LARP4: variants seen among roughly 807,000 people sequenced by gnomAD.
LARP4 encodes La ribonucleoprotein 4.
A neutral mutation model predicts 92.9 loss-of-function variants in LARP4; 29 were observed. The observed-to-expected ratio is 0.31, with a 90% CI of 0.23 to 0.43. The LOEUF (loss-of-function observed/expected upper bound fraction) is 0.43. Ranked by LOEUF, LARP4 falls within the 20% of genes least tolerant of loss-of-function variation. The pLI, the probability that LARP4 is intolerant of heterozygous loss-of-function variation, is 1.00. For missense variants in LARP4, 732 were observed against 860.0 expected (o/e 0.85, Z 1.86); for synonymous variants, 279 against 284.1 (o/e 0.98, Z 0.18).
intron 13 of LARP4, among the ~76,000 whole-genome samples, chr12:50,471,674 C>T (rs1472614321): frequency 6.6e-6 from 1 of 152,110 alleles, no homozygotes; most frequent in African/African-American, 2.4e-5. Flanking sequence ...GCGCGCGCCA[C>T]CATGCCCGGC....
At chr12:50,417,771 T>C (rs1470046568) in intron 1 of LARP4, among the ~76,000 whole-genome samples, 1 of 152,218 alleles carries the variant, frequency 6.6e-6, no homozygotes, top group East Asian at 1.9e-4. Flanking sequence ...CTTGGGTCAC[T>C]GTAGCCTCTT....
intron 15 of LARP4, among the ~76,000 whole-genome samples, 172 bp from the exon 16 acceptor site, chr12:50,475,354 G>A (rs535414194): frequency 3.9e-5 from 6 of 152,088 alleles, no homozygotes; most frequent in Non-Finnish European, 8.8e-5. Context: ...TGAAATTATT[G>A]TATAATAAAT....
rs1197956111 is a variant in LARP4, at chr12:50,475,992, T to C, written c.*128T>C. On this transcript the variant is annotated 3_prime_UTR_variant, in exon 16 of 16. Transcript: ENST00000398473. ...AAGAGAAAGTACGTCCATTTCATTA[T>C]GGATTTTGGAGTTGTGAGTGATAGG... The C allele has an allele frequency of 1.7e-5, 13 of 781,378 alleles. No homozygotes were observed. The highest frequency in any genetic ancestry group is 2.6e-5 in the Non-Finnish European group (13 of 500,032). 48.4% of individuals were successfully genotyped at this position (781,378 alleles called of 1,614,324 possible). A position where few individuals can be genotyped will look rare whatever the true frequency, so the allele number is the denominator to read the frequency against.
At chr12:50,437,937 C>A in intron 6 of LARP4, 99 bp downstream of exon 6, 1 of 687,108 alleles carries the variant, frequency 1.5e-6, no homozygotes, top group Non-Finnish European at 2.5e-6. Flanking sequence ...GGAAGAGGTA[C>A]ACAAGCAAAG....
intron 6 of LARP4, 30 bp downstream of exon 6, chr12:50,437,868 T>A: frequency 1.5e-6 from 2 of 1,351,818 alleles, no homozygotes; most frequent in South Asian, 2.5e-5. Context: ...TAACACTAAA[T>A]GTTCTCTGTT....
chr12:50,432,428 T>G (rs1949796114), intron 4 of LARP4, among the ~76,000 whole-genome samples: 1 of 152,182 alleles, frequency 6.6e-6, no homozygotes. Context: ...TCCTTCTACA[T>G]GGCCCTTTCA....
intron 1 of LARP4, chr12:50,421,339 C>A (rs1191872824): frequency 1.0e-6 from 1 of 959,846 alleles, no homozygotes; most frequent in Non-Finnish European, 1.2e-6. Flanking sequence ...TGACTCAAAG[C>A]AGCATTTTAA....
intron 10 of LARP4, 106 bp downstream of exon 10, chr12:50,454,523 T>G (rs1021678333): frequency 1.2e-6 from 1 of 849,622 alleles, no homozygotes; most frequent in African/African-American, 1.7e-5. Context: ...GTTTGGTGGA[T>G]TTTTTGTTTG....
intron 8 of LARP4, among the ~76,000 whole-genome samples, chr12:50,445,639 C>T (rs1951895565): frequency 6.6e-6 from 1 of 151,970 alleles, no homozygotes; most frequent in Non-Finnish European, 1.5e-5. Context: ...TGTTGTTGTT[C>T]TCCAGATTGG....
At chr12:50,401,745 A>C (rs566047557) in intron 1 of LARP4, among the ~76,000 whole-genome samples, 3 of 152,180 alleles carry the variant, frequency 2.0e-5, no homozygotes, top group Non-Finnish European at 4.4e-5. Context: ...GAATGAGGGA[A>C]ACTTATTCCG....
intron 2 of LARP4, among the ~76,000 whole-genome samples, 191 bp from the exon 3 acceptor site, chr12:50,428,744 T>A (rs1206127618): frequency 6.6e-6 from 1 of 152,230 alleles, no homozygotes; most frequent in Non-Finnish European, 1.5e-5. Flanking sequence ...CAATTGTTGA[T>A]CATTTTAGTT....
chr12:50,449,258 T>C (rs1952719548), intron 8 of LARP4, among the ~76,000 whole-genome samples: 1 of 152,032 alleles, frequency 6.6e-6, no homozygotes, highest in Non-Finnish European at 1.5e-5. Flanking sequence ...GAAAGTAAAA[T>C]AAAAAATAAA....
intron 13 of LARP4, among the ~76,000 whole-genome samples, chr12:50,468,694 C>T (rs1956503495): frequency 6.6e-6 from 1 of 152,104 alleles, no homozygotes; most frequent in African/African-American, 2.4e-5. Context: ...TTTCTTAAGC[C>T]AACATACTCA....
chr12:50,475,978 C>A lies in LARP4; in HGVS notation c.*114C>A. The A allele has an allele frequency of 1.2e-6, 1 of 836,500 alleles. No homozygotes were observed. The highest frequency in any genetic ancestry group is 1.8e-6 in the Non-Finnish European group (1 of 545,684). The allele number at this position is 836,500 out of a possible 1,614,324, so 51.8% of individuals were successfully genotyped here. A position where few individuals can be genotyped will look rare whatever the true frequency, so the allele number is the denominator to read the frequency against. On this transcript the variant is annotated 3_prime_UTR_variant, in exon 16 of 16. Coordinates refer to ENST00000398473, the MANE Select transcript of LARP4 (RefSeq NM_052879.5). Reference sequence around the variant, plus strand: ...GCCAGGAAGGAAACAAGAGAAAGTACGTCCATTTCATTATGGATTTTGGAG... The same window carrying A: ...GCCAGGAAGGAAACAAGAGAAAGTAAGTCCATTTCATTATGGATTTTGGAG...
rs1248787356 is a variant in LARP4 at position 50,435,750 on chromosome 12, C to T, written c.535+126C>T. The T allele has an allele frequency of 4.0e-5, 27 of 667,838 alleles. No homozygotes were observed. In the Admixed American group the frequency reaches 8.7e-4, roughly 21 times the overall value. 41.4% of individuals were successfully genotyped at this position (667,838 alleles called of 1,614,324 possible). On this transcript the variant is annotated intron_variant, in intron 5 of 15. Coordinates refer to ENST00000398473, the MANE Select transcript of LARP4 (RefSeq NM_052879.5). The stretch of plus-strand genomic sequence containing the variant: ...ACACCCTTATTTTGTTGTTTTGTTC[C>T]GAATTCTCTCTCTTTGTTTTTTTTT...
chr12:50,422,842 G>A lies in LARP4; in HGVS notation c.19-4920G>A, dbSNP rs139440020. Among the ~76,000 whole-genome samples, 1,266 of 146,336 alleles carry A rather than the reference G, an allele frequency of 8.7e-3. 16 individuals are homozygous for A. The highest frequency in any genetic ancestry group is 0.03 in the African/African-American group (1,219 of 40,158). ...TTATTATTATTATTATTTTTGAGACGAGTCCCCCTCTGTCGCCCTGGCTGG... is the reference window on the plus strand; with the variant it reads ...TTATTATTATTATTATTTTTGAGACAAGTCCCCCTCTGTCGCCCTGGCTGG... On this transcript the variant is annotated intron_variant, in intron 1 of 15. Coordinates refer to ENST00000398473, the MANE Select transcript of LARP4 (RefSeq NM_052879.5).
In LARP4 at chr12:50,436,051, CTGTGTGTGTGTGTGTGTG is replaced by C. The variant is rs57676021; in HGVS notation, c.535+451_535+468del. ...CCTTGGCTTCCCATTTTTACTGACT[CTGTGTGTGTGTGTGTGTG>C]TGTGTGTGTGTGTGTGTGTGTGTAT... On this transcript the variant is annotated intron_variant, in intron 5 of 15. Transcript: ENST00000398473. 2.8e-3 allele frequency among the ~76,000 whole-genome samples: 381 copies of C among 137,066 alleles called. 2 individuals are homozygous for C. The highest frequency in any genetic ancestry group is 0.011 in the Middle Eastern group (3 of 284). 89.9% of individuals were successfully genotyped at this position (137,066 alleles called of 152,430 possible). A position where few individuals can be genotyped will look rare whatever the true frequency, so the allele number is the denominator to read the frequency against.
chr12:50,410,041 C>T (rs1315166734), intron 1 of LARP4, among the ~76,000 whole-genome samples: 1 of 151,238 alleles, frequency 6.6e-6, no homozygotes, highest in Non-Finnish European at 1.5e-5. Context: ...ATCTGCCCAC[C>T]TCAGCCTCTC....
In LARP4 at chr12:50,401,040, A is replaced by G; in HGVS notation, c.18+12A>G. 1.9e-6 allele frequency: 3 copies of G among 1,614,086 alleles called. No individual in the cohort carries two copies. Among genetic ancestry groups the G allele is most frequent in the South Asian group, 1.1e-5 (1 of 91,086 alleles). ...TGCTTTTCGTGGAGGTGAGTGCATT[A>G]TGCTAGTCTCGTCCTGCTCTTAGGA... On this transcript the variant is annotated intron_variant, in intron 1 of 15. Coordinates refer to ENST00000398473, the MANE Select transcript of LARP4 (RefSeq NM_052879.5).
Sources: gnomAD v4.1 joint callset for allele counts (sites outside exome capture counted in the v4.1 genomes callset) on GRCh38, gnomAD v4.1.1 for gene constraint, MANE v1.5 for transcripts, NCBI Gene and HGNC (gene_info 2026-07-23, HGNC 2026-07-21) for gene names.